The following RALYL variants were observed in gnomAD, a reference collection of about 807,000 sequenced individuals.
The protein encoded by RALYL is RALY RNA binding protein like.
Under a neutral mutation model 35.1 loss-of-function variants are expected in RALYL, and 29 were observed. The ratio of observed to expected loss-of-function variants is 0.83; its 90% CI spans 0.61 to 1.13. The LOEUF is 1.13. RALYL is among the 50% of genes most tolerant of loss of function. The pLI is 0.00. For missense variants in RALYL, 359 were observed against 360.4 expected (o/e 1.00, Z 0.03); for synonymous variants, 120 against 127.6 (o/e 0.94, Z 0.40).
Position 84,862,428 on chromosome 8 carries a change from T to G in RALYL, c.546T>G (p.Thr182=). The change falls in exon 6 of 9, where the codon ACT becomes ACG. Residue 182 remains threonine, a synonymous_variant. Coordinates refer to ENST00000521268, the MANE Select transcript of RALYL (RefSeq NM_173848.7). ...CCATGAAAGGTGGATCGAGATCTACTGCCAGTGGGTCAACAGGTTCTAAAT... is the reference window on the plus strand; with the variant it reads ...CCATGAAAGGTGGATCGAGATCTACGGCCAGTGGGTCAACAGGTTCTAAAT... ...VFSMKGGSRS[T]ASGSTGSKLK... 2 of 1,604,794 alleles carry G rather than the reference T, an allele frequency of 1.2e-6. No homozygotes were observed. The highest frequency in any genetic ancestry group is 1.7e-6 in the Non-Finnish European group (2 of 1,176,406).
intron 2 of RALYL, among the ~76,000 whole-genome samples, chr8:84,729,560 A>G (rs1035816706): frequency 2.6e-5 from 4 of 152,148 alleles, no homozygotes; most frequent in South Asian, 2.1e-4. Context: ...AAATAGAGAC[A>G]CAAAAAACCC....
At chr8:84,234,782 T>G (rs1277449964) in intron 1 of RALYL, among the ~76,000 whole-genome samples, 1 of 150,618 alleles carries the variant, frequency 6.6e-6, no homozygotes, top group Admixed American at 6.6e-5. Context: ...TTTTTTTTTT[T>G]GAGATGGAGT....
intron 1 of RALYL, among the ~76,000 whole-genome samples, chr8:84,493,946 G>C (rs990601800): frequency 6.6e-6 from 1 of 152,094 alleles, no homozygotes; most frequent in Non-Finnish European, 1.5e-5. Context: ...TGTTGCCATT[G>C]ATTTTGGTGA....
At chr8:84,438,553 T>G (rs1038644180) in intron 1 of RALYL, among the ~76,000 whole-genome samples, 1 of 151,942 alleles carries the variant, frequency 6.6e-6, no homozygotes, top group African/African-American at 2.4e-5. Context: ...CTCAATAAGC[T>G]ATTTTTTTAA....
At chr8:84,559,448 T>C (rs76996041) in intron 2 of RALYL, among the ~76,000 whole-genome samples, 5,243 of 152,150 alleles carry the variant, frequency 0.034, 142 homozygotes, top group Non-Finnish European at 0.056. Context: ...TATTTTTTAA[T>C]TTTGAAGTCA....
intron 2 of RALYL, among the ~76,000 whole-genome samples, chr8:84,764,812 C>T (rs1009836828): frequency 1.3e-5 from 2 of 152,170 alleles, no homozygotes; most frequent in African/African-American, 4.8e-5. Context: ...TTTTAACATA[C>T]TATTAAGGAC....
At chr8:84,481,705 C>G (rs776605136) in intron 1 of RALYL, among the ~76,000 whole-genome samples, 2 of 152,016 alleles carry the variant, frequency 1.3e-5, no homozygotes, top group Non-Finnish European at 2.9e-5. Flanking sequence ...GCAAATCATA[C>G]GAAGGTAGGC....
At chr8:84,405,215 G>C (rs915993161) in intron 1 of RALYL, among the ~76,000 whole-genome samples, 1 of 152,162 alleles carries the variant, frequency 6.6e-6, no homozygotes, top group African/African-American at 2.4e-5. Context: ...AGCTAAAGCA[G>C]TGTTTAGAGG....
At chr8:84,655,088 T>C (rs999756664) in intron 2 of RALYL, among the ~76,000 whole-genome samples, 1 of 152,150 alleles carries the variant, frequency 6.6e-6, no homozygotes, top group African/African-American at 2.4e-5. Context: ...TTCTGCTACA[T>C]GCTCACCAGG....
At chr8:84,664,843 C>T (rs897719829) in intron 2 of RALYL, among the ~76,000 whole-genome samples, 3 of 152,086 alleles carry the variant, frequency 2.0e-5, no homozygotes, top group African/African-American at 7.2e-5. Context: ...ATTCCCCTGG[C>T]CAGAACTTCC....
At chr8:84,765,751 G>A (rs1262407124) in intron 2 of RALYL, among the ~76,000 whole-genome samples, 2 of 151,440 alleles carry the variant, frequency 1.3e-5, no homozygotes, top group African/African-American at 2.4e-5. Context: ...TCTTCTAAAT[G>A]TGAACAGTAA....
At chr8:84,425,427 C>A (rs921350978) in intron 1 of RALYL, among the ~76,000 whole-genome samples, 1 of 152,152 alleles carries the variant, frequency 6.6e-6, no homozygotes, top group East Asian at 1.9e-4. Context: ...GTGCGCTCAC[C>A]CACTGGCCTG....
At chr8:84,479,356 G>A (rs2053819234) in intron 1 of RALYL, among the ~76,000 whole-genome samples, 2 of 151,914 alleles carry the variant, frequency 1.3e-5, no homozygotes, top group Admixed American at 1.3e-4. Flanking sequence ...TCAAAGATAG[G>A]CAACATAGCC....
chr8:84,212,944 A>G (rs182168708), intron 1 of RALYL, among the ~76,000 whole-genome samples: 82 of 152,280 alleles, frequency 5.4e-4, no homozygotes, highest in African/African-American at 1.9e-3. Flanking sequence ...ATCTCCTTAC[A>G]TAAATGTACC....
intron 1 of RALYL, among the ~76,000 whole-genome samples, chr8:84,410,412 T>C (rs1012003523): frequency 3.3e-5 from 5 of 151,966 alleles, no homozygotes; most frequent in African/African-American, 1.2e-4. Flanking sequence ...AAGTAAATGA[T>C]TTAATTAATA....
intron 6 of RALYL, among the ~76,000 whole-genome samples, chr8:84,865,296 G>A (rs1838970508): frequency 6.6e-6 from 1 of 152,096 alleles, no homozygotes; most frequent in South Asian, 2.1e-4. Flanking sequence ...ATTTACTAAG[G>A]TATATAGCTT....
At chr8:84,802,752 C>G (rs913655107) in intron 3 of RALYL, among the ~76,000 whole-genome samples, 1 of 152,170 alleles carries the variant, frequency 6.6e-6, no homozygotes, top group African/African-American at 2.4e-5. Flanking sequence ...TGGTGCAATG[C>G]AGTACTTGCC....
chr8:84,765,817 C>G (rs2133431476), intron 2 of RALYL, among the ~76,000 whole-genome samples: 1 of 148,204 alleles, frequency 6.7e-6, no homozygotes, highest in South Asian at 2.1e-4. Flanking sequence ...ATTATTTAGA[C>G]TTCTATTTAA....
chr8:84,199,428 T>C (rs1816278737), intron 1 of RALYL, among the ~76,000 whole-genome samples: 1 of 152,218 alleles, frequency 6.6e-6, no homozygotes, highest in South Asian at 2.1e-4. Context: ...TTTGCAATTT[T>C]CTTCCAATCT....
Sources: allele counts gnomAD v4.1 joint callset (sites outside exome capture counted in the v4.1 genomes callset), GRCh38; gene constraint gnomAD v4.1.1; transcripts MANE v1.5; gene names NCBI Gene and HGNC (gene_info 2026-07-23, HGNC 2026-07-21).